The following ANK3 variants were observed in gnomAD, a reference collection of about 807,000 sequenced individuals.
ANK3 encodes ankyrin-3.
Under a neutral mutation model 370.9 loss-of-function variants are expected in ANK3, and 57 were observed. The ratio of observed to expected loss-of-function variants is 0.15; its 90% CI spans 0.12 to 0.19. The LOEUF is 0.19. ANK3 is among the 10% of genes least tolerant of loss of function. The probability of loss-of-function intolerance (pLI) is 1.00; values close to 1 mark genes in which losing one functional copy is unlikely to be tolerated. For synonymous variants in ANK3, 1,929 were observed against 1,946.3 expected (o/e 0.99, Z 0.23); for missense variants, 4,439 against 5,302.1 (o/e 0.84, Z 5.06).
intron 1 of ANK3, among the ~76,000 whole-genome samples, chr10:60,298,325 G>T (rs1056268249): frequency 2.0e-5 from 3 of 152,132 alleles, no homozygotes; most frequent in East Asian, 1.9e-4. Flanking sequence ...AACAGAAGCA[G>T]CAGGAAGTAT....
chr10:60,622,478 T>G (rs927467523), intron 1 of ANK3, among the ~76,000 whole-genome samples: 2 of 152,126 alleles, frequency 1.3e-5, no homozygotes, highest in East Asian at 3.9e-4. Context: ...CCTGACCTCA[T>G]GATTCACCTC....
intron 25 of ANK3, among the ~76,000 whole-genome samples, chr10:60,118,056 T>C (rs942168024): frequency 1.3e-4 from 20 of 152,140 alleles, no homozygotes; most frequent in African/African-American, 4.3e-4. Context: ...ACAATATACA[T>C]GCAGTATTTA....
intron 2 of ANK3, among the ~76,000 whole-genome samples, chr10:60,517,916 C>T (rs2076260129): frequency 1.3e-5 from 2 of 152,080 alleles, no homozygotes; most frequent in African/African-American, 4.8e-5. Flanking sequence ...CACTGGCTAG[C>T]TGTGCAAACT....
intron 7 of ANK3, among the ~76,000 whole-genome samples, chr10:60,239,380 G>A (rs182346083): frequency 2.6e-4 from 40 of 152,154 alleles, no homozygotes; most frequent in African/African-American, 8.2e-4. Flanking sequence ...GAACAATCTC[G>A]ATGGTAGCCC....
chr10:60,195,184 G>A (rs1032398992), intron 16 of ANK3, among the ~76,000 whole-genome samples: 4 of 122,614 alleles, frequency 3.3e-5, no homozygotes, highest in South Asian at 2.6e-4. Flanking sequence ...TCAGGAGATC[G>A]AGACCATCCT....
chr10:60,723,631 T>C (rs765638707), intron 1 of ANK3, among the ~76,000 whole-genome samples: 1 of 152,168 alleles, frequency 6.6e-6, no homozygotes, highest in Non-Finnish European at 1.5e-5. Flanking sequence ...ACCTCCACAG[T>C]AGCAATGGGT....
rs920746171 is a variant in ANK3 at position 60,053,659 on chromosome 10, A to G, written c.13065+1999T>C. On this transcript the variant is annotated intron_variant, in intron 42 of 43. Transcript: ENST00000280772. ...TGGGTTGCTGCATGGAAACAGGTGG[A>G]AAATAGCAGAATTTTACCTTATAAC... 4 of 1,301,988 alleles carry G rather than the reference A, an allele frequency of 3.1e-6. No individual in the cohort carries two copies. In the African/African-American group the frequency reaches 6.1e-5, roughly 20 times the overall value. The allele number at this position is 1,301,988 out of a possible 1,614,324, so 80.7% of individuals were successfully genotyped here.
At chr10:60,551,080 A>G (rs1391974195) in intron 2 of ANK3, among the ~76,000 whole-genome samples, 1 of 152,124 alleles carries the variant, frequency 6.6e-6, no homozygotes, top group Non-Finnish European at 1.5e-5. Context: ...TCTATTTTCA[A>G]TATATCACAC....
chr10:60,087,269 C>T (rs1051353929), intron 29 of ANK3, among the ~76,000 whole-genome samples: 1 of 152,278 alleles, frequency 6.6e-6, no homozygotes, highest in Admixed American at 6.5e-5. Flanking sequence ...GCAACTCATA[C>T]CCACATAAAA....
chr10:60,632,281 T>A (rs922814496), intron 1 of ANK3, among the ~76,000 whole-genome samples: 5 of 152,180 alleles, frequency 3.3e-5, no homozygotes, highest in Non-Finnish European at 7.3e-5. Flanking sequence ...CATCCTTTAA[T>A]CACATTTCAA....
intron 2 of ANK3, among the ~76,000 whole-genome samples, chr10:60,476,866 A>G (rs2075079188): frequency 6.6e-6 from 1 of 152,192 alleles, no homozygotes; most frequent in Non-Finnish European, 1.5e-5. Flanking sequence ...AAAAACAACA[A>G]TCATTTTCGA....
At chr10:60,080,471 T>C (rs1311207400) in intron 36 of ANK3, 66 bp downstream of exon 36, 1 of 1,412,390 alleles carries the variant, frequency 7.1e-7, no homozygotes. Context: ...AAATTTGGTT[T>C]GTATAGAAAA....
chr10:60,049,567 C>T (rs1468881116), intron 42 of ANK3, among the ~76,000 whole-genome samples: 1 of 152,026 alleles, frequency 6.6e-6, no homozygotes, highest in Non-Finnish European at 1.5e-5. Context: ...AGCCTGGCCA[C>T]AGAGCAAGAC....
intron 1 of ANK3, among the ~76,000 whole-genome samples, chr10:60,302,100 C>A (rs1041151521): frequency 6.6e-6 from 1 of 152,050 alleles, no homozygotes; most frequent in Non-Finnish European, 1.5e-5. Flanking sequence ...CTGAGAAAAT[C>A]CCTATTTTTT....
In ANK3 at chr10:60,389,528, G is replaced by T. The variant is rs2062908893; in HGVS notation, c.11C>A (p.Ala4Glu). ...CCTGTTTTTCTTTAATTGTGAGGCT[G>T]CATGAGCCATAATGCATTTAAAAAG... MAH[A>E]ASQLKKNRDL... is the part of the protein sequence containing the mutation. The change falls in exon 1 of 44, where the codon GCA (alanine) becomes GAA (glutamate). Residue 4 changes from alanine (A) to glutamate (E), a missense_variant. Transcript: ENST00000280772. 6.2e-7 allele frequency: 1 copy of T among 1,613,606 alleles called. No homozygotes were observed. The highest frequency in any genetic ancestry group is 1.3e-5 in the African/African-American group (1 of 74,820).
intron 1 of ANK3, among the ~76,000 whole-genome samples, chr10:60,328,032 TA>T (rs1209386304): frequency 6.6e-6 from 1 of 151,364 alleles, no homozygotes; most frequent in South Asian, 2.1e-4. Flanking sequence ...AACATATTCT[TA>T]AAAAAAAAGA....
chr10:60,325,008 T>C (rs2049489599), intron 1 of ANK3, among the ~76,000 whole-genome samples: 1 of 152,228 alleles, frequency 6.6e-6, no homozygotes, highest in Admixed American at 6.5e-5. Flanking sequence ...CCTTAGGGTT[T>C]AACTCTTAGC....
chr10:60,269,996 T>G, intron 5 of ANK3, 135 bp downstream of exon 5: 1 of 464,880 alleles, frequency 2.2e-6, no homozygotes, highest in Non-Finnish European at 3.8e-6. Context: ...AGTAATGTAT[T>G]TCATAAAACT....
chr10:60,180,697 A>G (rs1449477872), intron 18 of ANK3, among the ~76,000 whole-genome samples: 1 of 152,032 alleles, frequency 6.6e-6, no homozygotes, highest in Non-Finnish European at 1.5e-5. Flanking sequence ...ATATAAAGAA[A>G]ATTTTCAAAG....
Sources: gnomAD v4.1 joint callset for allele counts (sites outside exome capture counted in the v4.1 genomes callset) on GRCh38, gnomAD v4.1.1 for gene constraint, MANE v1.5 for transcripts, NCBI Gene and HGNC (gene_info 2026-07-23, HGNC 2026-07-21) for gene names.